The following AFG2B variants were observed in gnomAD, a reference collection of about 807,000 sequenced individuals.
The protein encoded by AFG2B is ATPase family gene 2 protein homolog B.
chr15:45,403,032 C>T, the AFG2B span: 3 of 1,574,294 alleles, frequency 1.9e-6, no homozygotes, highest in East Asian at 2.3e-5. Flanking sequence ...CCGAGGTGCC[C>T]CTGGGAGGTC....
At chr15:45,418,016 C>T in the AFG2B span, among the ~76,000 whole-genome samples, 6 of 152,110 alleles carry the variant, frequency 3.9e-5, no homozygotes, top group African/African-American at 1.4e-4. Flanking sequence ...GTATTTGCTT[C>T]TTAAGCCATG....
chr15:45,411,921 A>G, the AFG2B span, among the ~76,000 whole-genome samples: 1 of 150,504 alleles, frequency 6.6e-6, no homozygotes, highest in African/African-American at 2.5e-5. Flanking sequence ...GCATGGAGAA[A>G]CCCCATTTCT....
At chr15:45,403,137 G>T in the AFG2B span, 6 of 1,470,032 alleles carry the variant, frequency 4.1e-6, no homozygotes, top group Admixed American at 2.4e-5. Flanking sequence ...TGCCTCGCGG[G>T]GTGCTCCTGG....
At chr15:45,409,932 T>G in the AFG2B span, among the ~76,000 whole-genome samples, 1 of 152,166 alleles carries the variant, frequency 6.6e-6, no homozygotes, top group South Asian at 2.1e-4. Flanking sequence ...TTTTAATATC[T>G]AAAGACTGGG....
the AFG2B span, among the ~76,000 whole-genome samples, chr15:45,416,623 C>A: frequency 2.0e-5 from 3 of 152,334 alleles, no homozygotes; most frequent in East Asian, 5.8e-4. Context: ...TAGCATCTGA[C>A]AGGTATTCAC....
At chr15:45,404,807 CA>C in the AFG2B span, among the ~76,000 whole-genome samples, 51 of 93,924 alleles carry the variant, frequency 5.4e-4, no homozygotes, top group Non-Finnish European at 6.6e-4. Context: ...AACTGTGTCT[CA>C]AAAAAAAAAA....
the AFG2B span, among the ~76,000 whole-genome samples, chr15:45,413,412 A>T: frequency 6.6e-6 from 1 of 152,202 alleles, no homozygotes; most frequent in African/African-American, 2.4e-5. Context: ...TCAGCTAGTC[A>T]GCTCTGCCCC....
the AFG2B span, among the ~76,000 whole-genome samples, chr15:45,409,705 A>AT: frequency 8.0e-4 from 122 of 152,060 alleles, no homozygotes; most frequent in African/African-American, 2.7e-3. Context: ...TACAAAAAAA[A>AT]AATATATATA....
the AFG2B span, among the ~76,000 whole-genome samples, chr15:45,419,466 G>GA: frequency 5.5e-4 from 76 of 138,814 alleles, 1 homozygote; most frequent in Admixed American, 7.3e-4. Context: ...TGTCTCTTAG[G>GA]AAAAAAAAAA....
At chr15:45,414,287 A>G in the AFG2B span, among the ~76,000 whole-genome samples, 121 of 152,298 alleles carry the variant, frequency 7.9e-4, 1 homozygote, top group African/African-American at 2.8e-3. Context: ...GAACAAACTA[A>G]GTGTTTAGGA....
the AFG2B span, among the ~76,000 whole-genome samples, chr15:45,407,854 A>G: frequency 0.12 from 18,206 of 152,034 alleles, 3,645 homozygotes; most frequent in African/African-American, 0.41. Context: ...TTAACTAACA[A>G]AAAAAAATGT....
At chr15:45,414,632 AG>A in the AFG2B span, 1 of 1,614,170 alleles carries the variant, frequency 6.2e-7, no homozygotes, top group Non-Finnish European at 8.5e-7. Context: ...ACACAACCAA[AG>A]GGAGTTCTCC....
At chr15:45,403,143 C>G in the AFG2B span, 1 of 1,460,782 alleles carries the variant, frequency 6.8e-7, no homozygotes, top group African/African-American at 1.5e-5. Flanking sequence ...GCGGGGTGCT[C>G]CTGGCGGGGC....
At chr15:45,405,222 A>C in the AFG2B span, 14 of 1,221,700 alleles carry the variant, frequency 1.1e-5, no homozygotes, top group Non-Finnish European at 1.2e-5. Context: ...GGTTGCTATC[A>C]TTCTGCTGTC....
chr15:45,419,997 C>CAAAAAA, the AFG2B span, among the ~76,000 whole-genome samples: 6 of 53,696 alleles, frequency 1.1e-4, no homozygotes, highest in Middle Eastern at 0.013. Context: ...CCCCCCCCCC[C>CAAAAAA]AAAAAAAAAA....
the AFG2B span, chr15:45,410,263 CAA>C: frequency 7.9e-7 from 1 of 1,266,034 alleles, no homozygotes; most frequent in Non-Finnish European, 1.1e-6. Context: ...ATAATGATAA[CAA>C]AATAACTTTA....
At chr15:45,403,133 G>C in the AFG2B span, 1 of 1,475,416 alleles carries the variant, frequency 6.8e-7, no homozygotes, top group Non-Finnish European at 8.9e-7. Flanking sequence ...GCGGTGCCTC[G>C]CGGGGTGCTC....
chr15:45,402,786 G>A, the AFG2B span: 3 of 1,590,786 alleles, frequency 1.9e-6, no homozygotes, highest in Admixed American at 3.4e-5. Context: ...TGCGAGAGCG[G>A]GCAGGCGCGC....
the AFG2B span, chr15:45,405,233 T>C: frequency 1.5e-6 from 2 of 1,310,502 alleles, no homozygotes. Context: ...TTCTGCTGTC[T>C]ACCTCCATCC....
Sources: gnomAD v4.1 joint callset for allele counts (sites outside exome capture counted in the v4.1 genomes callset) on GRCh38, gnomAD v4.1.1 for gene constraint, MANE v1.5 for transcripts, NCBI Gene and HGNC (gene_info 2026-07-23, HGNC 2026-07-21) for gene names.